The following CTBP1 variants were observed in gnomAD, a reference collection of about 807,000 sequenced individuals.
CTBP1 encodes the protein C-terminal binding protein 1.
In CTBP1, 11 loss-of-function variants were observed where a neutral mutation model predicts 42.1. The ratio of observed to expected loss-of-function variants is 0.26; its 90% CI spans 0.16 to 0.43. The LOEUF is 0.43. Among genes scored for constraint, CTBP1 ranks in the 20% least tolerant of loss-of-function variants. The pLI is 1.00. For missense variants in CTBP1, 399 were observed against 624.3 expected, an observed-to-expected ratio of 0.64 and a Z score of 3.85; for synonymous variants, 324 against 277.1, an observed-to-expected ratio of 1.17 and a Z score of -1.68.
At position 1,241,510 on chromosome 4, in the gene CTBP1, C is replaced by A; in HGVS notation, c.-179G>T. On this transcript the variant is annotated 5_prime_UTR_variant, in exon 2 of 10. The change abolishes the stop of an existing upstream ORF in the 5' untranslated region. Coordinates refer to ENST00000382952, the MANE Select transcript of CTBP1 (RefSeq NM_001012614.2). Reference sequence around the variant, plus strand: ...CAATCACTGAAGCCTGCGTCGGGGTCAAAGTCTTACTAAAAATCAAACACA... The same window carrying A: ...CAATCACTGAAGCCTGCGTCGGGGTAAAAGTCTTACTAAAAATCAAACACA... 6.3e-7 allele frequency: 1 copy of A among 1,596,642 alleles called. No individual in the cohort carries two copies. Among genetic ancestry groups the A allele is most frequent in the East Asian group, 2.2e-5 (1 of 44,698 alleles).
At chr4:1,240,766 C>T (rs114156275) in intron 2 of CTBP1, among the ~76,000 whole-genome samples, 136 of 152,272 alleles carry the variant, frequency 8.9e-4, no homozygotes, top group Non-Finnish European at 1.5e-3. Flanking sequence ...CCCTGACCAC[C>T]GTGCCAGGGT....
In CTBP1 at chr4:1,248,985, C is replaced by T. The variant is rs1733078555; in HGVS notation, c.-258G>A. 4 of 980,190 alleles carry T rather than the reference C, an allele frequency of 4.1e-6. No individual in the cohort carries two copies. Among genetic ancestry groups the T allele is most frequent in the African/African-American group, 1.8e-5 (1 of 56,170 alleles). The allele number at this position is 980,190 out of a possible 1,614,324, so 60.7% of individuals were successfully genotyped here. A position where few individuals can be genotyped will look rare whatever the true frequency, so the allele number is the denominator to read the frequency against. ...AGGCGCGAGCGGCCGCGGGCCCCGA[C>T]CACTCCGGCGCGCTGCGCCGCCGCG... On this transcript the variant is annotated 5_prime_UTR_variant, in exon 1 of 10. Coordinates refer to ENST00000382952, the MANE Select transcript of CTBP1 (RefSeq NM_001012614.2).
chr4:1,239,417 G>A (rs555145368), intron 2 of CTBP1, among the ~76,000 whole-genome samples: 33 of 152,344 alleles, frequency 2.2e-4, no homozygotes, highest in South Asian at 2.1e-3. Flanking sequence ...AGCAGGAGGG[G>A]AGGCGCACGA....
chr4:1,219,739 C>T (rs1437107469), intron 5 of CTBP1, among the ~76,000 whole-genome samples: 1 of 152,224 alleles, frequency 6.6e-6, no homozygotes, highest in African/African-American at 2.4e-5. Context: ...CTCATTACGC[C>T]ATCCAGGCTG....
At position 1,225,388 on chromosome 4, in the gene CTBP1, G is replaced by T; in HGVS notation, c.486C>A (p.Arg162=). 6.4e-7 allele frequency: 1 copy of T among 1,566,264 alleles called. No individual in the cohort carries two copies. The stretch of plus-strand genomic sequence containing the variant: ...GTCCGATGATGCCCAAGGTCTCCCC[G>T]CGGATCCTGGCAGCGCCGGACGCCA... ...REVASGAARI[R]GETLGIIGLG... Residue 162 remains arginine (R), a synonymous_variant, in exon 5 of 10, where the codon CGC becomes CGA. Transcript: ENST00000382952.
intron 1 of CTBP1, among the ~76,000 whole-genome samples, chr4:1,246,103 G>A (rs1732692691): frequency 6.6e-6 from 1 of 152,202 alleles, no homozygotes; most frequent in African/African-American, 2.4e-5. Flanking sequence ...TGGAAACGAT[G>A]GTCAGTGACG....
At chr4:1,247,771 G>GGGA (rs3832287) in intron 1 of CTBP1, among the ~76,000 whole-genome samples, 60,621 of 146,586 alleles carry the variant, frequency 0.41, 13,432 homozygotes, top group South Asian at 0.48. Context: ...CCGGGGAGGG[G>GGGA]GGGGGGGCTC....
At chr4:1,213,399 C>T in intron 8 of CTBP1, 79 bp downstream of exon 8, 1 of 1,587,016 alleles carries the variant, frequency 6.3e-7, no homozygotes, top group Non-Finnish European at 8.5e-7. Flanking sequence ...GCCTGGCTGC[C>T]AGGCGGATGC....
intron 8 of CTBP1, 147 bp from the exon 9 acceptor site, chr4:1,213,177 G>A (rs1486692878): frequency 2.6e-6 from 2 of 780,236 alleles, no homozygotes; most frequent in South Asian, 3.4e-5. Flanking sequence ...GCAGGGTCCT[G>A]TCTCTCTGGG....
At chr4:1,248,734 C>G (rs976406767) in intron 1 of CTBP1, 182 bp downstream of exon 1, 20 of 981,252 alleles carry the variant, frequency 2.0e-5, no homozygotes, top group Admixed American at 1.3e-4. Context: ...TGCGCAAGAC[C>G]CTTCCCGCGG....
chr4:1,215,670 G>T, intron 6 of CTBP1: 1 of 402,464 alleles, frequency 2.5e-6, no homozygotes, highest in Non-Finnish European at 4.6e-6. Flanking sequence ...GAAGTCACAA[G>T]GGCCGACCCA....
chr4:1,244,358 G>GGT, intron 1 of CTBP1: 4 of 983,144 alleles, frequency 4.1e-6, no homozygotes, highest in South Asian at 4.7e-5. Flanking sequence ...GGGCACTGGG[G>GGT]GGGGGGTGTT....
chr4:1,213,086 G>A, intron 8 of CTBP1, 56 bp from the exon 9 acceptor site: 1 of 1,451,786 alleles, frequency 6.9e-7, no homozygotes, highest in East Asian at 2.3e-5. Flanking sequence ...CCAGGAGCGT[G>A]GCCCACTGGG....
intron 3 of CTBP1, among the ~76,000 whole-genome samples, chr4:1,234,064 C>A (rs568565936): frequency 6.5e-4 from 99 of 152,310 alleles, no homozygotes; most frequent in African/African-American, 2.3e-3. Flanking sequence ...GGGAGAGGCC[C>A]TGCTCCCCTC....
At chr4:1,212,751 G>A (rs1223228068) in intron 9 of CTBP1, 162 bp downstream of exon 9, 2 of 665,556 alleles carry the variant, frequency 3.0e-6, no homozygotes, top group African/African-American at 1.8e-5. Context: ...AAGAGGCCCT[G>A]GTTCTCATGG....
At chr4:1,248,686 C>G in intron 1 of CTBP1, 1 of 982,006 alleles carries the variant, frequency 1.0e-6, no homozygotes, top group Non-Finnish European at 1.2e-6. Flanking sequence ...GCGGGGAGAG[C>G]AGACTGCGGC....
chr4:1,214,359 C>T lies in CTBP1; in HGVS notation c.844G>A (p.Glu282Lys), dbSNP rs776814021. The change falls in exon 7 of 10, where the codon GAG becomes AAG. Residue 282 changes from glutamate (E) to lysine (K), a missense_variant. Physicochemically the swap from Glu to Lys is moderately conservative, Grantham distance 56. Coordinates refer to ENST00000382952, the MANE Select transcript of CTBP1 (RefSeq NM_001012614.2). ...RIRGAALDVHESEPFSFSQGP... is the reference protein window; with the variant it reads ...RIRGAALDVHKSEPFSFSQGP... ...TGGGGGCACCTGAAGGGTTCCGACT[C>T]GTGCACATCCAGGGCCGCGCCGCGG... The T allele has an allele frequency of 1.9e-6, 3 of 1,566,124 alleles. No homozygotes were observed. Among genetic ancestry groups the T allele is most frequent in the Non-Finnish European group, 2.6e-6 (3 of 1,162,338 alleles).
intron 5 of CTBP1, 94 bp from the exon 6 acceptor site, chr4:1,216,299 G>T: frequency 8.0e-7 from 1 of 1,255,060 alleles, no homozygotes. Context: ...CTGTGCCTCA[G>T]TTTGACCATC....
intron 2 of CTBP1, among the ~76,000 whole-genome samples, chr4:1,239,186 G>A (rs1731897628): frequency 6.6e-6 from 1 of 152,224 alleles, no homozygotes; most frequent in African/African-American, 2.4e-5. Flanking sequence ...CCTCATCGGG[G>A]CCAACTGGAG....
Sources: allele counts gnomAD v4.1 joint callset (sites outside exome capture counted in the v4.1 genomes callset), GRCh38; gene constraint gnomAD v4.1.1; transcripts MANE v1.5; gene names NCBI Gene and HGNC (gene_info 2026-07-23, HGNC 2026-07-21).